The following TMEM74 variants were observed in gnomAD, a reference collection of about 807,000 sequenced individuals.
The protein encoded by TMEM74 is transmembrane protein 74.
TMEM74 carries 13 observed loss-of-function variants against 18.1 expected under a neutral mutation model. The observed-to-expected ratio is 0.72, with a 90% CI of 0.47 to 1.14. The LOEUF is 1.14. TMEM74 is among the 50% of genes most tolerant of loss of function. The probability of loss-of-function intolerance (pLI) is 0.00; values close to 1 mark genes in which losing one functional copy is unlikely to be tolerated. For synonymous variants in TMEM74, 159 were observed against 146.6 expected, an observed-to-expected ratio of 1.08 and a Z score of -0.61; for missense variants, 372 against 375.9, an observed-to-expected ratio of 0.99 and a Z score of 0.09.
At chr8:108,703,940 A>G (rs1813363661) in intron 1 of TMEM74, among the ~76,000 whole-genome samples, 1 of 152,234 alleles carries the variant, frequency 6.6e-6, no homozygotes, top group Non-Finnish European at 1.5e-5. Context: ...TTTGAAGGCT[A>G]GCAGAAGTAA....
At chr8:108,728,219 A>G (rs966099374) in intron 1 of TMEM74, among the ~76,000 whole-genome samples, 4 of 152,186 alleles carry the variant, frequency 2.6e-5, no homozygotes, top group African/African-American at 9.7e-5. Context: ...TTTAAAGTGG[A>G]ATAAATAGCA....
At chr8:108,688,153 A>G (rs369848257) in intron 1 of TMEM74, among the ~76,000 whole-genome samples, 2 of 152,238 alleles carry the variant, frequency 1.3e-5, no homozygotes, top group Non-Finnish European at 1.5e-5. Flanking sequence ...ATAATGGCCA[A>G]TGCTGACTGG....
chr8:108,607,819 T>G (rs886966609), intron 3 of TMEM74: 5 of 152,232 alleles, frequency 3.3e-5, no homozygotes, highest in South Asian at 4.1e-4. Flanking sequence ...TCACTTAACA[T>G]GTATCATGTT....
chr8:108,623,926 C>A (rs1363236478), intron 2 of TMEM74, among the ~76,000 whole-genome samples: 1 of 152,026 alleles, frequency 6.6e-6, no homozygotes, highest in African/African-American at 2.4e-5. Context: ...ATCAAAATAC[C>A]TATAGTGGTG....
chr8:108,704,263 TCATTGTTCCTATG>T (rs1312012803), intron 1 of TMEM74, among the ~76,000 whole-genome samples: 1 of 152,214 alleles, frequency 6.6e-6, no homozygotes, highest in Admixed American at 6.5e-5. Flanking sequence ...ATAGATATTT[TCATTGTTCCTATG>T]CATGTGTTTA....
intron 1 of TMEM74, among the ~76,000 whole-genome samples, chr8:108,678,632 C>T (rs568572841): frequency 7.3e-5 from 11 of 151,388 alleles, no homozygotes; most frequent in South Asian, 6.2e-4. Context: ...TTTGCTCCCA[C>T]TGCCATTATT....
chr8:108,657,660 T>C (rs1586249815), intron 1 of TMEM74, among the ~76,000 whole-genome samples: 1 of 151,098 alleles, frequency 6.6e-6, no homozygotes, highest in Admixed American at 6.6e-5. Context: ...CTGGTCAACA[T>C]GGTGAAACCC....
intron 1 of TMEM74, among the ~76,000 whole-genome samples, chr8:108,765,407 C>CTTCTTTTTTT (rs1814093868): frequency 8.3e-6 from 1 of 120,732 alleles, no homozygotes; most frequent in African/African-American, 3.1e-5. Flanking sequence ...TTTGGAACTA[C>CTTCTTTTTTT]TTTTTTTTTT....
intron 2 of TMEM74, among the ~76,000 whole-genome samples, chr8:108,634,650 A>G (rs1563737011): frequency 6.6e-6 from 1 of 151,980 alleles, no homozygotes; most frequent in African/African-American, 2.4e-5. Flanking sequence ...CTTCACTCTA[A>G]GAAAACCGAG....
chr8:108,687,029 A>G (rs180874188), intron 1 of TMEM74, among the ~76,000 whole-genome samples: 1 of 152,288 alleles, frequency 6.6e-6, no homozygotes, highest in African/African-American at 2.4e-5. Flanking sequence ...AAGTTTAAAT[A>G]TTTCGATCCT....
rs531188097 is a variant in TMEM74 at position 108,782,419 on chromosome 8, T to A, written c.*1762A>T. Among the ~76,000 whole-genome samples the A allele has an allele frequency of 6.6e-6, 1 of 152,294 alleles. No individual in the cohort carries two copies. Among genetic ancestry groups the A allele is most frequent in the Non-Finnish European group, 1.5e-5 (1 of 68,024 alleles). On this transcript the variant is annotated 3_prime_UTR_variant, in exon 2 of 2. Transcript: ENST00000297459. Reference sequence around the variant, plus strand: ...TACATCTAGCTTCCTCTGATGGCCATATAATTTCTCATTTTTACTTAATAA... The same window carrying A: ...TACATCTAGCTTCCTCTGATGGCCAAATAATTTCTCATTTTTACTTAATAA...
At chr8:108,700,133 GTGT>G (rs1212105776) in intron 1 of TMEM74, among the ~76,000 whole-genome samples, 2 of 133,356 alleles carry the variant, frequency 1.5e-5, no homozygotes, top group Non-Finnish European at 3.5e-5. Context: ...CATAAATGGT[GTGT>G]GTGTGTGTGT....
intron 1 of TMEM74, among the ~76,000 whole-genome samples, chr8:108,681,686 G>C (rs1056387504): frequency 1.3e-5 from 2 of 152,142 alleles, no homozygotes; most frequent in African/African-American, 4.8e-5. Context: ...TATAGGAAGT[G>C]ACTGCTTAAT....
At chr8:108,663,606 T>G (rs572912160) in intron 1 of TMEM74, among the ~76,000 whole-genome samples, 1 of 152,326 alleles carries the variant, frequency 6.6e-6, no homozygotes, top group East Asian at 1.9e-4. Flanking sequence ...TTCCCATTAC[T>G]GGGTATATAT....
chr8:108,692,559 T>G (rs1813241732), intron 1 of TMEM74, among the ~76,000 whole-genome samples: 1 of 152,176 alleles, frequency 6.6e-6, no homozygotes, highest in South Asian at 2.1e-4. Flanking sequence ...ATGAATGCAT[T>G]CTAGACCAGA....
chr8:108,634,256 A>G (rs1261938231), intron 2 of TMEM74, among the ~76,000 whole-genome samples: 4 of 152,016 alleles, frequency 2.6e-5, no homozygotes, highest in Non-Finnish European at 4.4e-5. Flanking sequence ...CATCCCCAAA[A>G]AATGGCATTT....
intron 2 of TMEM74, chr8:108,626,656 C>G (rs1812497220): frequency 6.6e-6 from 1 of 152,006 alleles, no homozygotes; most frequent in Admixed American, 6.6e-5. Flanking sequence ...TGGCTACACA[C>G]AACGTTATCG....
intron 1 of TMEM74, among the ~76,000 whole-genome samples, chr8:108,704,829 G>A (rs1341455111): frequency 6.6e-6 from 1 of 152,220 alleles, no homozygotes; most frequent in African/African-American, 2.4e-5. Context: ...CCAGGTGTCT[G>A]AGGATTATGT....
At chr8:108,678,205 T>C (rs1451400073) in intron 1 of TMEM74, among the ~76,000 whole-genome samples, 1 of 152,198 alleles carries the variant, frequency 6.6e-6, no homozygotes, top group African/African-American at 2.4e-5. Context: ...GAAATTCTTA[T>C]AGGATATTAG....
Sources: gnomAD v4.1 joint callset for allele counts (sites outside exome capture counted in the v4.1 genomes callset) on GRCh38, gnomAD v4.1.1 for gene constraint, MANE v1.5 for transcripts, NCBI Gene and HGNC (gene_info 2026-07-23, HGNC 2026-07-21) for gene names.